The following DDX60L variants were observed in gnomAD, a reference collection of about 807,000 sequenced individuals.
DDX60L encodes the protein probable ATP-dependent RNA helicase DDX60-like.
Under a neutral mutation model 211.6 loss-of-function variants are expected in DDX60L, and 191 were observed. The ratio of observed to expected loss-of-function variants is 0.90; its 90% CI spans 0.80 to 1.02. DDX60L has a LOEUF of 1.02. DDX60L is among the 50% of genes least tolerant of loss of function. DDX60L has a pLI of 0.00. For missense variants in DDX60L, 2,007 were observed against 1,984.1 expected (o/e 1.01, Z -0.22); for synonymous variants, 706 against 694.1 (o/e 1.02, Z -0.27).
At chr4:168,409,631 A>G (rs1216322384) in intron 22 of DDX60L, among the ~76,000 whole-genome samples, 1 of 152,230 alleles carries the variant, frequency 6.6e-6, no homozygotes, top group Non-Finnish European at 1.5e-5. Flanking sequence ...TAATAAAATT[A>G]TGTTTGAAAA....
At chr4:168,387,210 A>C (rs541252875) in intron 29 of DDX60L, among the ~76,000 whole-genome samples, 1 of 152,280 alleles carries the variant, frequency 6.6e-6, no homozygotes, top group Admixed American at 6.5e-5. Context: ...TCTCAGAAAG[A>C]TGTAAAGGTG....
At chr4:168,406,782 T>C (rs1747821206) in intron 22 of DDX60L, 76 bp from the exon 23 acceptor site, 2 of 1,100,048 alleles carry the variant, frequency 1.8e-6, no homozygotes, top group Middle Eastern at 2.6e-4. Context: ...TTATCTTTCA[T>C]GACTAAACCC....
intron 5 of DDX60L, among the ~76,000 whole-genome samples, chr4:168,461,301 G>T (rs889949261): frequency 6.6e-6 from 1 of 152,086 alleles, no homozygotes; most frequent in African/African-American, 2.4e-5. Context: ...AAATTCCAAG[G>T]GTTTTAGGGG....
In DDX60L at chr4:168,421,631, A is replaced by G. The variant is rs1283249194; in HGVS notation, c.2394+129T>C. On this transcript the variant is annotated intron_variant, in intron 17 of 37. Transcript: ENST00000682922. ...GATCGCGCCACTGCACTCCAGCCTG[A>G]GTGACAGAGCAAGACTCTGTCTCAA... is the stretch of plus-strand genomic sequence containing the variant. The G allele has an allele frequency of 1.3e-5, 17 of 1,268,040 alleles. No individual in the cohort carries two copies. In the East Asian group the frequency reaches 3.4e-4, roughly 25 times the overall value. The allele number at this position is 1,268,040 out of a possible 1,614,324, so 78.5% of individuals were successfully genotyped here.
chr4:168,459,818 G>GGAA (rs1561120032), intron 5 of DDX60L, among the ~76,000 whole-genome samples: 49 of 12,698 alleles, frequency 3.9e-3, no homozygotes, highest in African/African-American at 7.6e-3. Context: ...GAAGGAAGGA[G>GGAA]GGAAGGGAGG....
chr4:168,442,432 C>T (rs1462281525), intron 9 of DDX60L, among the ~76,000 whole-genome samples: 10 of 151,932 alleles, frequency 6.6e-5, no homozygotes, highest in African/African-American at 1.5e-4. Context: ...GGGGGAGGGG[C>T]GGCAGCGAGG....
Position 168,391,622 on chromosome 4 carries a change from A to T in DDX60L, c.3833T>A (p.Leu1278His). The T allele has an allele frequency of 6.3e-7, 1 of 1,579,916 alleles. No homozygotes were observed. The highest frequency in any genetic ancestry group is 8.6e-7 in the Non-Finnish European group (1 of 1,158,660). Residue 1278 changes from leucine to histidine, a missense_variant, in exon 29 of 38, where the codon CTT (leucine) becomes CAT (histidine). Physicochemically the swap from Leu to His is moderately conservative, Grantham distance 99 (BLOSUM62 -3). Coordinates refer to ENST00000682922, the MANE Select transcript of DDX60L (RefSeq NM_001012967.3). Reference protein sequence around the residue: ...LIRVVTATETLALGIHMPCKS... With the variant: ...LIRVVTATETHALGIHMPCKS... ...GCATGGCATGTGGATCCCTAAGGCA[A>T]GTGTTTCAGTAGCTGTCACTACCTA...
intron 8 of DDX60L, among the ~76,000 whole-genome samples, chr4:168,449,665 AG>A (rs66493725): frequency 0.41 from 11,306 of 27,492 alleles, 1,883 homozygotes; most frequent in East Asian, 0.65. Context: ...AAAAAAAAAA[AG>A]AAAAAAGAAA....
chr4:168,380,979 T>G (rs924545416), intron 30 of DDX60L, among the ~76,000 whole-genome samples: 2 of 152,322 alleles, frequency 1.3e-5, no homozygotes, highest in African/African-American at 4.8e-5. Flanking sequence ...TGTAGAACTT[T>G]GAACTTGAAA....
intron 30 of DDX60L, among the ~76,000 whole-genome samples, chr4:168,382,605 A>C (rs900213962): frequency 2.0e-5 from 3 of 152,132 alleles, no homozygotes; most frequent in African/African-American, 7.2e-5. Context: ...TTCTTCTAAT[A>C]ATTCTTTAAT....
chr4:168,379,485 C>A lies in DDX60L; in HGVS notation c.4241G>T (p.Gly1414Val). Residue 1414 changes from glycine to valine, a missense_variant, in exon 32 of 38, where the codon GGT becomes GTT. Gly to Val is a moderately radical substitution (Grantham distance 109). Coordinates refer to ENST00000682922, the MANE Select transcript of DDX60L (RefSeq NM_001012967.3). ...AAGTCCTGCAAATTTCTTTGGATTA[C>A]CCTTTTTATTTAAATAGTCCTAAAA... Reference protein sequence around the residue: ...LIKEDYLNKKGNPKKFAGLAS... With the variant: ...LIKEDYLNKKVNPKKFAGLAS... The A allele has an allele frequency of 6.3e-7, 1 of 1,579,422 alleles. No homozygotes were observed. The highest frequency in any genetic ancestry group is 8.6e-7 in the Non-Finnish European group (1 of 1,168,834).
rs1194012119 is a variant in DDX60L at position 168,422,609 on chromosome 4, A to G, written c.2159T>C (p.Leu720Pro). ...TATCAAGTAATGGCCCATGTATTGC[A>G]GTTGAAACCGAGCTGGTCCAATGTC... is the stretch of plus-strand genomic sequence containing the variant. ...SIDIGPARFQ[L>P]QYMGHYLIRD... The change falls in exon 16 of 38, where the codon CTG becomes CCG. Residue 720 changes from leucine (L) to proline (P), a missense_variant. Physicochemically the swap from Leu to Pro is moderately conservative, Grantham distance 98 (BLOSUM62 -3). Coordinates refer to ENST00000682922, the MANE Select transcript of DDX60L (RefSeq NM_001012967.3). 1 of 1,613,460 alleles carries G rather than the reference A, an allele frequency of 6.2e-7. No homozygotes were observed. The highest frequency in any genetic ancestry group is 1.3e-5 in the African/African-American group (1 of 75,028).
chr4:168,432,959 T>G, intron 11 of DDX60L, 51 bp downstream of exon 11: 2 of 1,142,676 alleles, frequency 1.8e-6, no homozygotes, highest in Non-Finnish European at 2.6e-6. Flanking sequence ...TTCACTTCAC[T>G]AGTATTTTCA....
At chr4:168,471,659 C>T in intron 4 of DDX60L, 88 bp downstream of exon 4, 1 of 1,057,162 alleles carries the variant, frequency 9.5e-7, no homozygotes. Context: ...TGATGACATG[C>T]TTCATTTTAG....
chr4:168,444,814 T>G (rs1361674465), intron 9 of DDX60L, among the ~76,000 whole-genome samples: 1 of 119,734 alleles, frequency 8.4e-6, no homozygotes, highest in East Asian at 2.4e-4. Flanking sequence ...GAAATAAAGA[T>G]GTTCTTTGAA....
At chr4:168,372,736 G>A (rs1051280308) in intron 35 of DDX60L, among the ~76,000 whole-genome samples, 1 of 151,352 alleles carries the variant, frequency 6.6e-6, no homozygotes, top group African/African-American at 2.4e-5. Context: ...CAAATAAAAA[G>A]TGGGGAAAGG....
intron 20 of DDX60L, 27 bp from the exon 21 acceptor site, chr4:168,415,826 TA>T (rs759133134): frequency 5.5e-6 from 8 of 1,460,924 alleles, no homozygotes; most frequent in Non-Finnish European, 5.4e-6. Flanking sequence ...GCATATAATT[TA>T]AATAAAATAT....
At chr4:168,367,238 C>A (rs1264038271) in intron 36 of DDX60L, among the ~76,000 whole-genome samples, 1 of 152,166 alleles carries the variant, frequency 6.6e-6, no homozygotes, top group Non-Finnish European at 1.5e-5. Flanking sequence ...TTAACTCCCA[C>A]AATTACCACA....
chr4:168,447,645 A>AGACT (rs1755024809), intron 9 of DDX60L, among the ~76,000 whole-genome samples: 1 of 151,920 alleles, frequency 6.6e-6, no homozygotes, highest in South Asian at 2.1e-4. Context: ...CAACAATGAT[A>AGACT]GACTGGATTA....
Sources: allele counts gnomAD v4.1 joint callset (sites outside exome capture counted in the v4.1 genomes callset), GRCh38; gene constraint gnomAD v4.1.1; transcripts MANE v1.5; gene names NCBI Gene and HGNC (gene_info 2026-07-23, HGNC 2026-07-21).